The following SLC27A5 variants were observed in gnomAD, a reference collection of about 807,000 sequenced individuals.
SLC27A5 encodes the protein long-chain fatty acid transport protein 5.
In SLC27A5, 47 loss-of-function variants were observed where a neutral mutation model predicts 63.1. That is an observed-to-expected ratio of 0.74 (90% CI 0.59 to 0.95). SLC27A5 has a LOEUF of 0.95. SLC27A5 is among the 40% of genes least tolerant of loss of function. The probability of loss-of-function intolerance (pLI) is 0.00; values close to 1 mark genes in which losing one functional copy is unlikely to be tolerated. For synonymous variants in SLC27A5, 391 were observed against 403.8 expected, an observed-to-expected ratio of 0.97 and a Z score of 0.38; for missense variants, 940 against 921.0, an observed-to-expected ratio of 1.02 and a Z score of -0.27.
chr19:58,500,232 C>A lies in SLC27A5; in HGVS notation c.1468+107G>T, dbSNP rs1169245089. 10 of 909,872 alleles carry A rather than the reference C, an allele frequency of 1.1e-5. No homozygotes were observed. The East Asian group carries it at 2.5e-4, about 23-fold the overall frequency. The allele number at this position is 909,872 out of a possible 1,614,324, so 56.4% of individuals were successfully genotyped here. On this transcript the variant is annotated intron_variant, in intron 6 of 9. Coordinates refer to ENST00000263093, the MANE Select transcript of SLC27A5 (RefSeq NM_012254.3). ...AGGGTCCAGATGAAGGCTGCAGACC[C>A]CTCTAGTGAGCACCAACGTCAAGCT...
chr19:58,498,424 A>T lies in SLC27A5; in HGVS notation c.*91T>A. ...AGGTTGAGGGTATGGCCAGGCTGGG[A>T]TTCACACAGGCCCAGGATGAAAGGG... On this transcript the variant is annotated 3_prime_UTR_variant, in exon 10 of 10. Coordinates refer to ENST00000263093, the MANE Select transcript of SLC27A5 (RefSeq NM_012254.3). 2 of 1,347,886 alleles carry T rather than the reference A, an allele frequency of 1.5e-6. No homozygotes were observed. Among genetic ancestry groups the T allele is most frequent in the South Asian group, 2.8e-5 (2 of 71,568 alleles). 83.5% of individuals were successfully genotyped at this position (1,347,886 alleles called of 1,614,324 possible). A position where few individuals can be genotyped will look rare whatever the true frequency, so the allele number is the denominator to read the frequency against.
Position 58,500,554 on chromosome 19 carries a change from C to T in SLC27A5, c.1335G>A (p.Val445=). 1 of 1,614,164 alleles carries T rather than the reference C, an allele frequency of 6.2e-7. No individual in the cohort carries two copies. Among genetic ancestry groups the T allele is most frequent in the Non-Finnish European group, 8.5e-7 (1 of 1,180,036 alleles). ...TCTTGCCCAGGGCCCCGCAGCGCCC[C>T]ACATAGTTGACTAAGCCCATGTTGC... ...TEGNMGLVNY[V]GRCGALGKMS... The change falls in exon 5 of 10, where the codon GTG becomes GTA. Residue 445 remains valine (V), a synonymous_variant. Transcript: ENST00000263093.
Position 58,498,570 on chromosome 19 carries a change from C to T in SLC27A5, c.2018G>A (p.Arg673Gln), listed in dbSNP as rs146415600. The change falls in exon 10 of 10, where the codon CGG becomes CAG. Residue 673 changes from arginine to glutamine, a missense_variant. Arg to Gln is a conservative substitution (Grantham distance 43). Transcript: ENST00000263093. Reference protein sequence around the residue: ...FVLDNRAQSFRPLTAEMYQAV... With the variant: ...FVLDNRAQSFQPLTAEMYQAV... ...CTGGTACATTTCTGCCGTCAGGGGCCGGAAGGACTGGGCCCGGTTGTCCAG... is the reference window on the plus strand; with the variant it reads ...CTGGTACATTTCTGCCGTCAGGGGCTGGAAGGACTGGGCCCGGTTGTCCAG... 41 of 1,613,938 alleles carry T rather than the reference C, an allele frequency of 2.5e-5. No homozygotes were observed. The highest frequency in any genetic ancestry group is 3.3e-4 in the Middle Eastern group (2 of 6,082).
At chr19:58,500,961 T>C (rs983963620) in intron 4 of SLC27A5, 3 of 1,355,306 alleles carry the variant, frequency 2.2e-6, no homozygotes, top group Middle Eastern at 2.8e-4. Flanking sequence ...GGAGGCCTCA[T>C]CTGGGGTCTC....
chr19:58,506,078 T>C (rs1007412435), intron 3 of SLC27A5, among the ~76,000 whole-genome samples: 1 of 150,238 alleles, frequency 6.7e-6, no homozygotes, highest in Non-Finnish European at 1.5e-5. Flanking sequence ...TCACAAGTGC[T>C]CACCACCATG....
chr19:58,499,292 G>A, intron 7 of SLC27A5, 72 bp from the exon 8 acceptor site: 2 of 1,079,058 alleles, frequency 1.9e-6, no homozygotes, highest in Non-Finnish European at 2.5e-6. Context: ...CCCCCGCCCC[G>A]CCCCTTTTGG....
In SLC27A5 at chr19:58,509,685, T is replaced by G; in HGVS notation, c.1057+162A>C. ...TCAGGGACTGTGTGGGTGTCCAAGC[T>G]TCTGTCCATGCGGCCCTGGTAGTCA... On this transcript the variant is annotated intron_variant, in intron 3 of 9. Coordinates refer to ENST00000263093, the MANE Select transcript of SLC27A5 (RefSeq NM_012254.3). 9.7e-6 allele frequency: 6 copies of G among 620,160 alleles called. No homozygotes were observed. The South Asian group carries it at 1.2e-4, about 12-fold the overall frequency. 38.4% of individuals were successfully genotyped at this position (620,160 alleles called of 1,614,324 possible). A position where few individuals can be genotyped will look rare whatever the true frequency, so the allele number is the denominator to read the frequency against.
chr19:58,509,848 G>A lies in SLC27A5; in HGVS notation c.1056C>T (p.Leu352=), dbSNP rs770524004. Residue 352 remains leucine, a splice_region_variant and synonymous_variant, in exon 3 of 10, where the codon CTC becomes CTT. Transcript: ENST00000263093. The stretch of plus-strand genomic sequence containing the variant: ...AGGGATCCTCAGAAGTGGGCTTACC[G>A]AGATCTAAGCAGCCGAGGATCCCAA... ...LVVGILGCLD[L]GATCVLAPKF... is the part of the protein sequence containing the mutation. 32 of 1,611,368 alleles carry A rather than the reference G, an allele frequency of 2.0e-5. No homozygotes were observed. Among genetic ancestry groups the A allele is most frequent in the East Asian group, 4.5e-5 (2 of 44,784 alleles).
Position 58,511,536 on chromosome 19 carries a change from G to C in SLC27A5, c.420C>G (p.Ala140=), listed in dbSNP as rs532241719. ...CCAGCTCACCAAAGGTGACTGAGCC[G>C]GCCCCAGGCCCCGTCCACACCAAGA... ...RALLVWTGPG[A]GSVTFGELDA... Residue 140 remains alanine (A), a synonymous_variant, in exon 1 of 10, where the codon GCC becomes GCG. Coordinates refer to ENST00000263093, the MANE Select transcript of SLC27A5 (RefSeq NM_012254.3). The C allele has an allele frequency of 1.3e-6, 2 of 1,564,006 alleles. No homozygotes were observed. Among genetic ancestry groups the C allele is most frequent in the East Asian group, 4.7e-5 (2 of 42,152 alleles).
chr19:58,501,285 C>T lies in SLC27A5; in HGVS notation c.1182+1G>A, dbSNP rs1396347364. On this transcript the variant is annotated splice_donor_variant, in intron 4 of 9. Transcript: ENST00000263093. LOFTEE classifies it high-confidence loss of function. ...ATGGAGCCCTAATCTTAGAGCCTCA[C>T]CTGGGGAATGTTACACAAGTACCGC... 2.5e-6 allele frequency: 4 copies of T among 1,612,978 alleles called. No homozygotes were observed. Among genetic ancestry groups the T allele is most frequent in the Non-Finnish European group, 3.4e-6 (4 of 1,179,312 alleles).
intron 3 of SLC27A5, chr19:58,507,813 A>G (rs1017029328): frequency 2.0e-5 from 3 of 152,114 alleles, no homozygotes; most frequent in African/African-American, 7.2e-5. Context: ...CAGTTGAGAT[A>G]AGGACTGAGA....
At position 58,511,768 on chromosome 19, in the gene SLC27A5, C is replaced by A. The variant is rs983820150; in HGVS notation, c.188G>T (p.Gly63Val). The A allele has an allele frequency of 6.4e-7, 1 of 1,552,856 alleles. No individual in the cohort carries two copies. Among genetic ancestry groups the A allele is most frequent in the Non-Finnish European group, 8.7e-7 (1 of 1,148,352 alleles). The change falls in exon 1 of 10, where the codon GGG (glycine) becomes GTG (valine). Residue 63 changes from glycine to valine, a missense_variant. Gly to Val is a moderately radical substitution (Grantham distance 109, BLOSUM62 -3). Transcript: ENST00000263093. ...RPWLGPWVPH[G>V]LSLAAAALAL... ...CAGGGCCGCAGCTGCCAGGCTCAGC[C>A]CATGGGGCACCCAGGGGCCGAGCCA...
intron 6 of SLC27A5, 22 bp downstream of exon 6, chr19:58,500,317 A>G: frequency 6.2e-7 from 1 of 1,604,338 alleles, no homozygotes; most frequent in Non-Finnish European, 8.5e-7. Flanking sequence ...GCCACCCAGG[A>G]AAGGCTCCTC....
At chr19:58,509,513 G>A (rs1197309711) in intron 3 of SLC27A5, 2 of 230,978 alleles carry the variant, frequency 8.7e-6, no homozygotes, top group East Asian at 9.2e-5. Flanking sequence ...TGGAGTGCTT[G>A]AGAGCACTCC....
intron 6 of SLC27A5, 145 bp from the exon 7 acceptor site, chr19:58,499,835 A>C: frequency 1.4e-6 from 1 of 702,814 alleles, no homozygotes; most frequent in Non-Finnish European, 2.3e-6. Context: ...CAGAGATGAG[A>C]GAGACATTCA....
In SLC27A5 at chr19:58,498,669, G is replaced by A. The variant is rs1489777012; in HGVS notation, c.1919C>T (p.Thr640Met). The change falls in exon 10 of 10, where the codon ACG becomes ATG. Residue 640 changes from threonine to methionine, a missense_variant. Physicochemically the swap from Thr to Met is moderately conservative, Grantham distance 81. Transcript: ENST00000263093. ...CAACCGGGTCTTCATCAGTTTGAAC[G>A]TGCTGGTGACCTCCATGGCGTCCTG... is the stretch of plus-strand genomic sequence containing the variant. ...RIQDAMEVTS[T>M]FKLMKTRLVR... 3 of 1,614,058 alleles carry A rather than the reference G, an allele frequency of 1.9e-6. No homozygotes were observed. The highest frequency in any genetic ancestry group is 1.6e-4 in the Middle Eastern group (1 of 6,062).
rs1028159492 is a variant in SLC27A5, at chr19:58,499,571, A to T, written c.1588T>A (p.Tyr530Asn). ...VRNVRQSGDV[Y>N]YNTGDVLAMD... The stretch of plus-strand genomic sequence containing the variant: ...GCCAGTACGTCCCCGGTGTTGTAGT[A>T]AACGTCGCCCGATTGCCGCACGTTG... The change falls in exon 7 of 10, where the codon TAC becomes AAC. Residue 530 changes from tyrosine (Y) to asparagine (N), a missense_variant. Transcript: ENST00000263093. The T allele has an allele frequency of 1.9e-6, 3 of 1,612,916 alleles. No individual in the cohort carries two copies. The highest frequency in any genetic ancestry group is 2.5e-6 in the Non-Finnish European group (3 of 1,179,986).
intron 3 of SLC27A5, among the ~76,000 whole-genome samples, chr19:58,503,843 T>C (rs1387369167): frequency 6.6e-6 from 1 of 152,178 alleles, no homozygotes; most frequent in Non-Finnish European, 1.5e-5. Flanking sequence ...CTGGGCACAG[T>C]AGCTCACACC....
intron 3 of SLC27A5, among the ~76,000 whole-genome samples, chr19:58,505,214 C>T (rs971932279): frequency 6.6e-6 from 1 of 151,090 alleles, no homozygotes; most frequent in Non-Finnish European, 1.5e-5. Flanking sequence ...ATTCTCCTGC[C>T]TCAGCCTCCC....
Sources: allele counts gnomAD v4.1 joint callset (sites outside exome capture counted in the v4.1 genomes callset), GRCh38; gene constraint gnomAD v4.1.1; transcripts MANE v1.5; gene names NCBI Gene and HGNC (gene_info 2026-07-23, HGNC 2026-07-21).